WIPF2: variants seen among roughly 807,000 people sequenced by gnomAD.
WIPF2 encodes WAS/WASL interacting protein family member 2.
Under a neutral mutation model 38.8 loss-of-function variants are expected in WIPF2, and 23 were observed. The ratio of observed to expected loss-of-function variants is 0.59; its 90% CI spans 0.43 to 0.84. The LOEUF is 0.84. Among genes scored for constraint, WIPF2 ranks in the 40% least tolerant of loss-of-function variants. The pLI is 0.00. For missense variants in WIPF2, 574 were observed against 580.5 expected (o/e 0.99, Z 0.11); for synonymous variants, 210 against 223.2 (o/e 0.94, Z 0.53).
chr17:40,260,491 A>G, intron 2 of WIPF2, 44 bp from the exon 3 acceptor site: 1 of 1,604,532 alleles, frequency 6.2e-7, no homozygotes, highest in Non-Finnish European at 8.5e-7. Context: ...CCGGCCGATA[A>G]AGGGAACTCT....
rs539724574 is a variant in WIPF2, at chr17:40,252,418, C to A, written c.-69-3973C>A. ...GTGGCTCACCCCTGTAATCCCAGCA[C>A]TTTGGGTGGCCGAGGCGTGAGGATC... is the stretch of plus-strand genomic sequence containing the variant. On this transcript the variant is annotated intron_variant, in intron 1 of 7. Transcript: ENST00000323571. 1.7e-3 allele frequency among the ~76,000 whole-genome samples: 265 copies of A among 152,236 alleles called. 4 individuals are homozygous for A. Among genetic ancestry groups the A allele is most frequent in the African/African-American group, 6.0e-3 (249 of 41,550 alleles).
rs374754947 is a variant in WIPF2 at position 40,262,868 on chromosome 17, C to T, written c.313+227C>T. The stretch of plus-strand genomic sequence containing the variant: ...TATATACCCTAGAATACTATTCAGC[C>T]TTAGGCAAGAAGGAAACTTCTGTCA... On this transcript the variant is annotated intron_variant, in intron 4 of 7. Transcript: ENST00000323571. Among the ~76,000 whole-genome samples, 4 of 152,144 alleles carry T rather than the reference C, an allele frequency of 2.6e-5. No homozygotes were observed. The East Asian group carries it at 7.7e-4, about 29-fold the overall frequency.
Position 40,264,546 on chromosome 17 carries a change from A to G in WIPF2, c.370A>G (p.Arg124Gly), listed in dbSNP as rs1392840357. The G allele has an allele frequency of 1.9e-6, 3 of 1,613,952 alleles. No homozygotes were observed. The Admixed American group carries it at 5.0e-5, about 27-fold the overall frequency. ...CCCCAGTTCTCGAGCTGCTGCCCCA[A>G]GGCCTCCAGTATCTGCCGCCAGCGG... ...QIPSSRAAAP[R>G]PPVSAASGRP... The change falls in exon 5 of 8, where the codon AGG becomes GGG. Residue 124 changes from arginine to glycine, a missense_variant. Arg to Gly is a moderately radical substitution (Grantham distance 125). Transcript: ENST00000323571.
chr17:40,272,005 A>G (rs1240105246), intron 5 of WIPF2, among the ~76,000 whole-genome samples: 1 of 151,292 alleles, frequency 6.6e-6, no homozygotes, highest in Non-Finnish European at 1.5e-5. Context: ...AGATTCAGAC[A>G]TAGGTATGAA....
chr17:40,271,703 GT>G (rs2145406400), intron 5 of WIPF2, among the ~76,000 whole-genome samples: 1 of 152,242 alleles, frequency 6.6e-6, no homozygotes, highest in East Asian at 1.9e-4. Flanking sequence ...CTGAGTCCCA[GT>G]TTTCTCATTT....
At chr17:40,249,234 G>A (rs2031475317) in intron 1 of WIPF2, among the ~76,000 whole-genome samples, 2 of 152,272 alleles carry the variant, frequency 1.3e-5, no homozygotes, top group Admixed American at 1.3e-4. Context: ...GCCCCAGATT[G>A]TAGTGGTAAC....
intron 1 of WIPF2, among the ~76,000 whole-genome samples, chr17:40,224,271 C>T (rs1326429733): frequency 1.4e-5 from 2 of 141,184 alleles, no homozygotes; most frequent in South Asian, 2.2e-4. Flanking sequence ...TCACTTTGTC[C>T]CCCAGGCTGG....
chr17:40,274,148 G>A (rs2032322273), intron 6 of WIPF2, 149 bp downstream of exon 6: 1 of 600,666 alleles, frequency 1.7e-6, no homozygotes, highest in African/African-American at 1.9e-5. Flanking sequence ...CATCCTCAGA[G>A]GTATGGGCTG....
intron 1 of WIPF2, among the ~76,000 whole-genome samples, chr17:40,242,260 G>A (rs923612328): frequency 5.9e-5 from 9 of 152,090 alleles, no homozygotes; most frequent in Admixed American, 3.3e-4. Context: ...CCAGCTACTC[G>A]GGAGGCTGAG....
chr17:40,258,660 A>C (rs1234051219), intron 2 of WIPF2, among the ~76,000 whole-genome samples: 5 of 152,000 alleles, frequency 3.3e-5, no homozygotes. Context: ...GAAGGCTTTT[A>C]GGTAGGTGGT....
At chr17:40,243,708 A>G (rs1446421308) in intron 1 of WIPF2, among the ~76,000 whole-genome samples, 3 of 150,092 alleles carry the variant, frequency 2.0e-5, no homozygotes, top group Non-Finnish European at 4.4e-5. Context: ...TTAAGTAGAG[A>G]TGGGGTTTCT....
At chr17:40,222,587 T>TTGTG (rs201136851) in intron 1 of WIPF2, among the ~76,000 whole-genome samples, 1 of 146,328 alleles carries the variant, frequency 6.8e-6, no homozygotes, top group Non-Finnish European at 1.5e-5. Flanking sequence ...GTGTGTGTGT[T>TTGTG]TGTGTGTGTG....
chr17:40,276,496 G>A (rs975833314), intron 6 of WIPF2, among the ~76,000 whole-genome samples: 1 of 147,024 alleles, frequency 6.8e-6, no homozygotes, highest in Non-Finnish European at 1.5e-5. Context: ...ACCCCAGTCT[G>A]GGCAACAGAG....
chr17:40,239,549 T>A (rs922755630), intron 1 of WIPF2, among the ~76,000 whole-genome samples: 1 of 152,018 alleles, frequency 6.6e-6, no homozygotes, highest in Non-Finnish European at 1.5e-5. Context: ...CTGCCAATGT[T>A]TTTGGAGCCA....
chr17:40,226,097 A>C (rs1042868062), intron 1 of WIPF2, among the ~76,000 whole-genome samples: 1 of 151,836 alleles, frequency 6.6e-6, no homozygotes, highest in Non-Finnish European at 1.5e-5. Flanking sequence ...GTGCTTCTGG[A>C]AATGCTGAAT....
At chr17:40,220,609 ATATATATATGTATATATATATATT>A (rs1417047111) in intron 1 of WIPF2, 13 of 85,420 alleles carry the variant, frequency 1.5e-4, no homozygotes, top group African/African-American at 6.2e-4. Flanking sequence ...ATATATATAT[ATATATATATGTATATATATATATT>A]TTTTTGTTGT....
chr17:40,243,754 C>G (rs540116424), intron 1 of WIPF2, among the ~76,000 whole-genome samples: 115 of 152,074 alleles, frequency 7.6e-4, no homozygotes, highest in African/African-American at 2.6e-3. Flanking sequence ...CTCCTGACCT[C>G]GGGTGATCCA....
intron 4 of WIPF2, 54 bp from the exon 5 acceptor site, chr17:40,264,436 A>G: frequency 2.6e-6 from 4 of 1,560,468 alleles, no homozygotes; most frequent in Non-Finnish European, 3.5e-6. Context: ...AAGTAGGGAT[A>G]CTGACCAATA....
intron 5 of WIPF2, among the ~76,000 whole-genome samples, chr17:40,269,026 T>TA (rs966468113): frequency 1.3e-4 from 19 of 151,140 alleles, no homozygotes; most frequent in African/African-American, 4.4e-4. Context: ...CTACAAAAAA[T>TA]AAAAAAACTA....
Sources: gnomAD v4.1 joint callset for allele counts (sites outside exome capture counted in the v4.1 genomes callset) on GRCh38, gnomAD v4.1.1 for gene constraint, MANE v1.5 for transcripts, NCBI Gene and HGNC (gene_info 2026-07-23, HGNC 2026-07-21) for gene names.